The following IRGM variants were observed in gnomAD, a reference collection of about 807,000 sequenced individuals.
IRGM encodes the protein immunity related GTPase M, also known as immunity-related GTPase family M protein.
For synonymous variants in IRGM, 98 were observed against 80.6 expected (o/e 1.22, Z -1.16); for missense variants, 288 against 219.9 (o/e 1.31, Z -1.96).
At position 150,848,081 on chromosome 5, in the gene IRGM, A is replaced by T; in HGVS notation, c.-43A>T. The T allele has an allele frequency of 6.8e-7, 1 of 1,480,300 alleles. No homozygotes were observed. The highest frequency in any genetic ancestry group is 1.4e-5 in the South Asian group (1 of 74,006). The allele number at this position is 1,480,300 out of a possible 1,614,324, so 91.7% of individuals were successfully genotyped here. On this transcript the variant is annotated 5_prime_UTR_variant, in exon 2 of 2. An upstream start codon of the reference 5' UTR is lost. Coordinates refer to ENST00000522154, the MANE Select transcript of IRGM (RefSeq NM_001145805.2). Reference sequence around the variant, plus strand: ...CTTCCAAAGTGCTGGGATTACAGGCATGAGCCACGGCGCCTGGCCAGCATT... The same window carrying T: ...CTTCCAAAGTGCTGGGATTACAGGCTTGAGCCACGGCGCCTGGCCAGCATT...
At chr5:150,851,337 A>G (rs975460168), downstream of IRGM, among the ~76,000 whole-genome samples, 7 of 152,180 alleles carry the variant, frequency 4.6e-5, no homozygotes, top group African/African-American at 1.4e-4. Context: ...TGTCGTAGAC[A>G]TGATTGGTAT....
downstream of IRGM, among the ~76,000 whole-genome samples, chr5:150,849,605 CTTT>C (rs922246775): frequency 1.6e-5 from 2 of 128,382 alleles, no homozygotes; most frequent in Non-Finnish European, 1.7e-5. Context: ...CTTTTTCTCT[CTTT>C]TTTTTTTTTT....
chr5:150,860,911 G>C (rs567916426), intron 1 of IRGM, among the ~76,000 whole-genome samples: 34 of 152,230 alleles, frequency 2.2e-4, no homozygotes, highest in Non-Finnish European at 4.7e-4. Context: ...TATATTACAT[G>C]ATGGTATTGT....
chr5:150,868,203 T>G (rs1203257636), intron 1 of IRGM, among the ~76,000 whole-genome samples: 2 of 152,210 alleles, frequency 1.3e-5, no homozygotes, highest in African/African-American at 4.8e-5. Context: ...TTGCCAATTA[T>G]CCCAGCATCA....
At chr5:150,851,843 A>C (rs867583418), downstream of IRGM, among the ~76,000 whole-genome samples, 6 of 152,192 alleles carry the variant, frequency 3.9e-5, no homozygotes, top group Non-Finnish European at 7.3e-5. Flanking sequence ...GAATTTGTGA[A>C]GTACAGGGCA....
chr5:150,897,409 CAAATAAT>C (rs1754834489), intron 3 of IRGM: 1 of 156,900 alleles, frequency 6.4e-6, no homozygotes, highest in African/African-American at 2.4e-5. Flanking sequence ...TAACAACTAA[CAAATAAT>C]AGAAAAATCC....
chr5:150,858,861 G>A (rs1754095876), intron 1 of IRGM, among the ~76,000 whole-genome samples: 1 of 152,194 alleles, frequency 6.6e-6, no homozygotes, highest in Non-Finnish European at 1.5e-5. Context: ...ATACAATCAT[G>A]CCATCTGCAA....
intron 1 of IRGM, among the ~76,000 whole-genome samples, chr5:150,855,222 T>C (rs2113256190): frequency 6.6e-6 from 1 of 152,326 alleles, no homozygotes; most frequent in South Asian, 2.1e-4. Context: ...TCTTTGTTGA[T>C]GAGGTAAATG....
chr5:150,897,896 CA>C lies in IRGM; in HGVS notation c.*141-2692del, dbSNP rs1159114391. 1.1e-5 allele frequency: 8 copies of C among 737,342 alleles called. 1 individual carries two copies. The Admixed American group carries it at 1.9e-4, about 17-fold the overall frequency. 45.7% of individuals were successfully genotyped at this position (737,342 alleles called of 1,614,324 possible). A position where few individuals can be genotyped will look rare whatever the true frequency, so the allele number is the denominator to read the frequency against. On this transcript the variant is annotated intron_variant and NMD_transcript_variant, in intron 3 of 3. Coordinates refer to the IRGM transcript ENST00000520549. Reference sequence around the variant, plus strand: ...AACATATATATATACACACAAGAGACAGGATCAACAACAAATAGAACTCCTC... The same window carrying C: ...AACATATATATATACACACAAGAGACGGATCAACAACAAATAGAACTCCTC...
At position 150,896,905 on chromosome 5, in the gene IRGM, G is replaced by T. The variant is rs577025150; in HGVS notation, c.*141-3684G>T. On this transcript the variant is annotated intron_variant and NMD_transcript_variant, in intron 3 of 3. Coordinates refer to the IRGM transcript ENST00000520549. ...GAACCATCCCTTGTGACTCCTTTCA[G>T]TATCTTATGATGGAAGGAAACTGTC... The T allele has an allele frequency of 2.3e-4, 378 of 1,613,446 alleles. 4 individuals are homozygous for T. The South Asian group carries it at 3.7e-3, about 16-fold the overall frequency.
intron 1 of IRGM, among the ~76,000 whole-genome samples, chr5:150,865,706 C>T (rs1269365635): frequency 1.3e-5 from 2 of 152,168 alleles, no homozygotes; most frequent in African/African-American, 4.8e-5. Context: ...CGCCTCTCCA[C>T]ATTTCTAAAC....
At chr5:150,896,237 G>A (rs1754772277) in intron 3 of IRGM, 3 of 1,613,694 alleles carry the variant, frequency 1.9e-6, no homozygotes, top group Non-Finnish European at 2.5e-6. Context: ...ATTTCTGAGA[G>A]AAGGCTTTTC....
chr5:150,866,901 G>A (rs1754215211), intron 1 of IRGM, among the ~76,000 whole-genome samples: 1 of 152,084 alleles, frequency 6.6e-6, no homozygotes, highest in Non-Finnish European at 1.5e-5. Context: ...TGATCTATTT[G>A]CAAGTGATTT....
At chr5:150,852,774 C>A (rs568207617), downstream of IRGM, among the ~76,000 whole-genome samples, 12 of 152,110 alleles carry the variant, frequency 7.9e-5, no homozygotes, top group South Asian at 2.3e-3. Flanking sequence ...ACTCTAGGAA[C>A]AAGCAGAAGA....
At chr5:150,850,297 T>G (rs1753955936), downstream of IRGM, among the ~76,000 whole-genome samples, 1 of 152,254 alleles carries the variant, frequency 6.6e-6, no homozygotes, top group African/African-American at 2.4e-5. Flanking sequence ...TATGCACTAT[T>G]ATGTAAGTTC....
intron 3 of IRGM, among the ~76,000 whole-genome samples, chr5:150,891,077 A>T (rs1329266227): frequency 2.0e-5 from 3 of 152,070 alleles, no homozygotes; most frequent in African/African-American, 7.2e-5. Flanking sequence ...TTTCCTTTGA[A>T]GTTTTATCAG....
At chr5:150,851,173 A>G (rs956801216), downstream of IRGM, among the ~76,000 whole-genome samples, 1 of 152,170 alleles carries the variant, frequency 6.6e-6, no homozygotes, top group African/African-American at 2.4e-5. Context: ...TACTCCCTAC[A>G]TATGGCCCTG....
chr5:150,880,975 A>G (rs1754435718), intron 3 of IRGM, among the ~76,000 whole-genome samples: 1 of 152,026 alleles, frequency 6.6e-6, no homozygotes, highest in Admixed American at 6.6e-5. Flanking sequence ...AAAAATACAA[A>G]AATTAGCCTG....
rs1561738911 is a variant in IRGM, at chr5:150,848,393, C to T, written c.270C>T (p.Asp90=). 1.9e-6 allele frequency: 3 copies of T among 1,551,852 alleles called. No individual in the cohort carries two copies. Among genetic ancestry groups the T allele is most frequent in the Non-Finnish European group, 2.6e-6 (3 of 1,146,994 alleles). Residue 90 remains aspartate, a synonymous_variant, in exon 2 of 2, where the codon GAC becomes GAT. Transcript: ENST00000522154. ...ACTTTTCAAATGTGGTGTTGTGGGA[C>T]CTGCCTGGCACAGGGTCTGCCACCA... The part of the protein sequence containing the change: ...SSHFSNVVLW[D]LPGTGSATTT...
Sources: allele counts gnomAD v4.1 joint callset (sites outside exome capture counted in the v4.1 genomes callset), GRCh38; gene constraint gnomAD v4.1.1; transcripts MANE v1.5; gene names NCBI Gene and HGNC (gene_info 2026-07-23, HGNC 2026-07-21).